Variants in SHROOM2 observed in about 807,000 individuals in gnomAD.
The protein encoded by SHROOM2 is protein Shroom2.
Under a neutral mutation model 75.9 loss-of-function variants are expected in SHROOM2, and 33 were observed. The ratio of observed to expected loss-of-function variants is 0.43; its 90% CI spans 0.33 to 0.58. The LOEUF is 0.58. SHROOM2 is among the 20% of genes least tolerant of loss of function. The probability of loss-of-function intolerance (pLI) is 0.04; values close to 1 mark genes in which losing one functional copy is unlikely to be tolerated. For synonymous variants in SHROOM2, 655 were observed against 663.6 expected, an observed-to-expected ratio of 0.99 and a Z score of 0.20; for missense variants, 1,434 against 1,461.2, an observed-to-expected ratio of 0.98 and a Z score of 0.30.
chrX:9,787,065 C>T (rs1029437413), intron 1 of SHROOM2, among the ~76,000 whole-genome samples: 1 of 111,937 alleles, frequency 8.9e-6, no homozygotes, highest in African/African-American at 3.2e-5. Context: ...CGAGCCGTCC[C>T]CACCTATGTT....
At chrX:9,815,571 C>CTATAT (rs1555923299) in intron 1 of SHROOM2, among the ~76,000 whole-genome samples, 7 of 96,510 alleles carry the variant, frequency 7.3e-5, no homozygotes, top group African/African-American at 1.6e-4. Context: ...ATATCTATAT[C>CTATAT]CTATATCTAT....
chrX:9,941,376 G>A (rs1322007203), intron 8 of SHROOM2, among the ~76,000 whole-genome samples: 1 of 112,192 alleles, frequency 8.9e-6, no homozygotes, highest in African/African-American at 3.2e-5. Flanking sequence ...ACAGTGGTGA[G>A]CCCTTCAGCA....
intron 1 of SHROOM2, among the ~76,000 whole-genome samples, chrX:9,822,261 C>G (rs1392975110): frequency 1.8e-5 from 2 of 111,406 alleles, no homozygotes; most frequent in Non-Finnish European, 3.8e-5. Flanking sequence ...CTGGAAGGCC[C>G]CCTGGGCTGA....
chrX:9,855,604 C>T (rs1304360102), intron 1 of SHROOM2, among the ~76,000 whole-genome samples: 1 of 111,608 alleles, frequency 9.0e-6, no homozygotes, highest in Non-Finnish European at 1.9e-5. Context: ...GGACTGAGTA[C>T]AGTACAGGAT....
intron 5 of SHROOM2, among the ~76,000 whole-genome samples, chrX:9,918,377 G>A (rs376715816): frequency 5.3e-5 from 6 of 112,653 alleles, no homozygotes; most frequent in Admixed American, 1.9e-4. Flanking sequence ...GAGGCTGGTA[G>A]TCCAACGTCA....
At chrX:9,856,972 G>A (rs1472501845) in intron 1 of SHROOM2, among the ~76,000 whole-genome samples, 1 of 112,428 alleles carries the variant, frequency 8.9e-6, no homozygotes, top group Non-Finnish European at 1.9e-5. Context: ...ATATTAAGGA[G>A]GGCAGGGCTG....
chrX:9,802,213 C>T lies in SHROOM2; in HGVS notation c.165+15503C>T, dbSNP rs990431959. Among the ~76,000 whole-genome samples, 8 of 110,135 alleles carry T rather than the reference C, an allele frequency of 7.3e-5. No homozygotes were observed. The East Asian group carries it at 8.7e-4, about 12-fold the overall frequency. On this transcript the variant is annotated intron_variant, in intron 1 of 9. Coordinates refer to ENST00000380913, the MANE Select transcript of SHROOM2 (RefSeq NM_001649.4). ...CTCCTGATGCCATTGGCACTACAGTCGTGCCTCACCATGCCCAGCTCGCTG... is the reference window on the plus strand; with the variant it reads ...CTCCTGATGCCATTGGCACTACAGTTGTGCCTCACCATGCCCAGCTCGCTG...
intron 1 of SHROOM2, among the ~76,000 whole-genome samples, chrX:9,809,333 T>A (rs894575303): frequency 9.0e-6 from 1 of 110,982 alleles, no homozygotes; most frequent in African/African-American, 3.3e-5. Flanking sequence ...CACGCCTTTT[T>A]GTCTGCTTTA....
At chrX:9,944,051 G>A (rs1195383775) in intron 8 of SHROOM2, among the ~76,000 whole-genome samples, 1 of 110,714 alleles carries the variant, frequency 9.0e-6, no homozygotes, top group Non-Finnish European at 1.9e-5. Flanking sequence ...GTGTGGTGGT[G>A]CACGCCTGTA....
chrX:9,887,829 C>T (rs1439340943), intron 2 of SHROOM2, among the ~76,000 whole-genome samples: 1 of 112,983 alleles, frequency 8.9e-6, no homozygotes, highest in African/African-American at 3.2e-5. Flanking sequence ...AGCATTCCTG[C>T]CATGCAGCTG....
At chrX:9,925,338 G>A (rs987555874) in intron 5 of SHROOM2, among the ~76,000 whole-genome samples, 4 of 112,796 alleles carry the variant, frequency 3.5e-5, no homozygotes, top group African/African-American at 1.3e-4. Flanking sequence ...TCTTCAGCGT[G>A]TGAACACCTG....
intron 4 of SHROOM2, 21 bp downstream of exon 4, chrX:9,896,719 C>T: frequency 1.8e-6 from 2 of 1,141,572 alleles, no homozygotes; most frequent in Non-Finnish European, 2.3e-6. Context: ...AGCCACAGCC[C>T]CCTTGACCAT....
chrX:9,895,162 C>T lies in SHROOM2; in HGVS notation c.1254C>T (p.Arg418=). 2 of 1,212,054 alleles carry T rather than the reference C, an allele frequency of 1.7e-6. No individual in the cohort carries two copies. Among genetic ancestry groups the T allele is most frequent in the Non-Finnish European group, 2.2e-6 (2 of 895,581 alleles). ...LQASLSSSDV[R]FPQSPHSGRH... Reference sequence around the variant, plus strand: ...CCTCTCTGTCCAGCTCAGATGTGCGCTTCCCTCAGTCTCCTCATAGCGGCC... The same window carrying T: ...CCTCTCTGTCCAGCTCAGATGTGCGTTTCCCTCAGTCTCCTCATAGCGGCC... The change falls in exon 4 of 10, where the codon CGC becomes CGT. Residue 418 remains arginine, a synonymous_variant. Transcript: ENST00000380913.
intron 5 of SHROOM2, among the ~76,000 whole-genome samples, chrX:9,910,716 C>T (rs1262698687): frequency 4.5e-5 from 5 of 110,048 alleles, no homozygotes; most frequent in African/African-American, 1.3e-4. Flanking sequence ...ACTCGGGAGG[C>T]TGAGGCAGGT....
chrX:9,865,710 G>A (rs1258465069), intron 1 of SHROOM2, among the ~76,000 whole-genome samples: 1 of 108,731 alleles, frequency 9.2e-6, no homozygotes, highest in African/African-American at 3.4e-5. Flanking sequence ...ACAGGTGCCC[G>A]CCACCACACC....
chrX:9,898,341 T>C (rs2084346695), intron 5 of SHROOM2, 51 bp downstream of exon 5: 1 of 935,187 alleles, frequency 1.1e-6, no homozygotes, highest in Non-Finnish European at 1.5e-6. Flanking sequence ...GAGGGTGGGC[T>C]TCTGTACGAT....
intron 1 of SHROOM2, among the ~76,000 whole-genome samples, chrX:9,859,667 G>A (rs1023868908): frequency 8.9e-6 from 1 of 111,807 alleles, no homozygotes; most frequent in Non-Finnish European, 1.9e-5. Flanking sequence ...ACAAAGCTCT[G>A]CAGGCAAGAA....
chrX:9,895,865 G>T lies in SHROOM2; in HGVS notation c.1957G>T (p.Ala653Ser). 1 of 1,204,458 alleles carries T rather than the reference G, an allele frequency of 8.3e-7. No homozygotes were observed. ...CCGGAGCACAGTGGCTCTGACTGCA[G>T]CAGGGGAGGCGGAGGATGGCACCGG... is the stretch of plus-strand genomic sequence containing the variant. Reference protein sequence around the residue: ...KSRSTVALTAAGEAEDGTGRW... With the variant: ...KSRSTVALTASGEAEDGTGRW... The change falls in exon 4 of 10, where the codon GCA becomes TCA. Residue 653 changes from alanine (A) to serine (S), a missense_variant. Transcript: ENST00000380913.
intron 1 of SHROOM2, among the ~76,000 whole-genome samples, chrX:9,826,995 A>G (rs1283018435): frequency 3.6e-5 from 4 of 110,516 alleles, no homozygotes; most frequent in African/African-American, 1.3e-4. Context: ...CAGTTAAATA[A>G]AAGAAGGGGG....
Sources: gnomAD v4.1 joint callset for allele counts (sites outside exome capture counted in the v4.1 genomes callset) on GRCh38, gnomAD v4.1.1 for gene constraint, MANE v1.5 for transcripts, NCBI Gene and HGNC (gene_info 2026-07-23, HGNC 2026-07-21) for gene names.